The following SCFD2 variants were observed in gnomAD, a reference collection of about 807,000 sequenced individuals.
SCFD2 encodes sec1 family domain-containing protein 2.
A neutral mutation model predicts 58.9 loss-of-function variants in SCFD2; 54 were observed. The observed-to-expected ratio is 0.92, with a 90% confidence interval of 0.74 to 1.15. The LOEUF is 1.15. SCFD2 is among the 50% of genes most tolerant of loss of function. SCFD2 has a pLI of 0.00. For synonymous variants in SCFD2, 321 were observed against 335.9 expected, an observed-to-expected ratio of 0.96 and a Z score of 0.49; for missense variants, 805 against 836.6, an observed-to-expected ratio of 0.96 and a Z score of 0.47.
At chr4:53,170,549 GT>G (rs1727150323) in intron 4 of SCFD2, among the ~76,000 whole-genome samples, 1 of 152,100 alleles carries the variant, frequency 6.6e-6, no homozygotes, top group Non-Finnish European at 1.5e-5. Flanking sequence ...ATTTTAGAAT[GT>G]TTTTGCTATT....
At chr4:53,039,361 A>G (rs1269774130) in intron 5 of SCFD2, among the ~76,000 whole-genome samples, 1 of 152,160 alleles carries the variant, frequency 6.6e-6, no homozygotes, top group Non-Finnish European at 1.5e-5. Flanking sequence ...ATAAGCCTTA[A>G]AATACCAATT....
At chr4:52,999,756 T>C (rs188032573) in intron 5 of SCFD2, among the ~76,000 whole-genome samples, 1 of 152,348 alleles carries the variant, frequency 6.6e-6, no homozygotes, top group East Asian at 1.9e-4. Flanking sequence ...CACGACTTCT[T>C]TGAAATCACC....
At chr4:53,266,109 T>C (rs1358012227) in intron 4 of SCFD2, among the ~76,000 whole-genome samples, 1 of 152,122 alleles carries the variant, frequency 6.6e-6, no homozygotes, top group African/African-American at 2.4e-5. Context: ...GCAGAAAAAG[T>C]GGGCTTTAAA....
In SCFD2 at chr4:53,255,815, G is replaced by A. The variant is rs1476731888; in HGVS notation, c.1311+18011C>T. Among the ~76,000 whole-genome samples, 388 of 146,678 alleles carry A rather than the reference G, an allele frequency of 2.6e-3. 2 individuals are homozygous for A. The highest frequency in any genetic ancestry group is 9.0e-3 in the African/African-American group (359 of 39,958). ...CGGGCAGAGGCGCCCCTCACCTCCC[G>A]GACCGGGCAGCTGGCCGGGCGGGGG... On this transcript the variant is annotated intron_variant, in intron 4 of 8. Transcript: ENST00000401642.
chr4:53,353,468 C>T (rs1038110344), intron 1 of SCFD2, among the ~76,000 whole-genome samples: 5 of 152,242 alleles, frequency 3.3e-5, no homozygotes, highest in African/African-American at 1.2e-4. Context: ...CAGGTTGCCA[C>T]TGCTGTCTCG....
intron 5 of SCFD2, among the ~76,000 whole-genome samples, chr4:53,028,157 G>A (rs1056659072): frequency 2.0e-5 from 3 of 152,018 alleles, no homozygotes; most frequent in African/African-American, 7.3e-5. Context: ...TGAGGCATGA[G>A]AATCACTTGA....
intron 4 of SCFD2, among the ~76,000 whole-genome samples, chr4:53,253,045 A>G (rs1324587133): frequency 1.3e-5 from 2 of 152,222 alleles, no homozygotes; most frequent in Non-Finnish European, 2.9e-5. Context: ...TTTACAAGAA[A>G]AAAACAAACA....
intron 7 of SCFD2, among the ~76,000 whole-genome samples, chr4:52,900,847 C>T (rs1008915532): frequency 3.3e-5 from 5 of 152,208 alleles, no homozygotes; most frequent in African/African-American, 7.2e-5. Flanking sequence ...ATGGCGGGCA[C>T]CCCTCCCCCA....
At chr4:53,231,294 C>T (rs181397243) in intron 4 of SCFD2, among the ~76,000 whole-genome samples, 10 of 152,238 alleles carry the variant, frequency 6.6e-5, no homozygotes, top group Admixed American at 2.6e-4. Context: ...CTAGATAATG[C>T]AAGCCGCACA....
intron 5 of SCFD2, among the ~76,000 whole-genome samples, chr4:52,954,749 T>C (rs1283353920): frequency 1.3e-5 from 2 of 152,192 alleles, no homozygotes; most frequent in Non-Finnish European, 2.9e-5. Context: ...GATCTAATCA[T>C]GTCCTTTAGC....
intron 5 of SCFD2, among the ~76,000 whole-genome samples, chr4:53,084,955 C>A (rs991811392): frequency 6.6e-6 from 1 of 152,166 alleles, no homozygotes. Context: ...AAACTGAAAG[C>A]CTTTCCTCTA....
At chr4:52,894,713 T>G (rs902877672) in intron 7 of SCFD2, among the ~76,000 whole-genome samples, 1 of 152,224 alleles carries the variant, frequency 6.6e-6, no homozygotes, top group Non-Finnish European at 1.5e-5. Context: ...GACAGCTTTG[T>G]GTGGCTAACC....
chr4:53,086,918 G>T (rs1287816364), intron 5 of SCFD2, among the ~76,000 whole-genome samples: 1 of 152,096 alleles, frequency 6.6e-6, no homozygotes, highest in Non-Finnish European at 1.5e-5. Flanking sequence ...AGTGGAGATG[G>T]TTAATATGTA....
At chr4:53,352,294 T>C (rs1473288250) in intron 2 of SCFD2, among the ~76,000 whole-genome samples, 2 of 152,202 alleles carry the variant, frequency 1.3e-5, no homozygotes, top group African/African-American at 2.4e-5. Flanking sequence ...CTAGACTCAA[T>C]TCCATGTGAA....
Position 53,153,873 on chromosome 4 carries a change from A to G in SCFD2, c.1312-8291T>C, listed in dbSNP as rs1480820180. ...TTGCTGCTTAGAAATTTCTTCTGCC[A>G]GAAACTCTAAGTCATCTTGCATAAC... On this transcript the variant is annotated intron_variant, in intron 4 of 8. Coordinates refer to ENST00000401642, the MANE Select transcript of SCFD2 (RefSeq NM_152540.4). Among the ~76,000 whole-genome samples, 3 of 152,228 alleles carry G rather than the reference A, an allele frequency of 2.0e-5. No individual in the cohort carries two copies. The East Asian group carries it at 5.8e-4, about 29-fold the overall frequency.
At chr4:52,911,143 G>T (rs1719476953) in intron 6 of SCFD2, among the ~76,000 whole-genome samples, 1 of 152,190 alleles carries the variant, frequency 6.6e-6, no homozygotes, top group Non-Finnish European at 1.5e-5. Flanking sequence ...ACAGCACAAA[G>T]GTGGCTCTGT....
chr4:52,873,897 G>T lies in SCFD2; in HGVS notation c.*72C>A. The T allele has an allele frequency of 9.5e-7, 1 of 1,057,294 alleles. No individual in the cohort carries two copies. Among genetic ancestry groups the T allele is most frequent in the Non-Finnish European group, 1.5e-6 (1 of 676,690 alleles). 65.5% of individuals were successfully genotyped at this position (1,057,294 alleles called of 1,614,324 possible). ...TGACAGGGACGCTGGTTGTGGAGGA[G>T]TATTTGGAGTGGTGGCAGAAAATTG... On this transcript the variant is annotated 3_prime_UTR_variant, in exon 9 of 9. Coordinates refer to ENST00000401642, the MANE Select transcript of SCFD2 (RefSeq NM_152540.4).
At chr4:53,035,055 C>T (rs549516474) in intron 5 of SCFD2, among the ~76,000 whole-genome samples, 2 of 152,274 alleles carry the variant, frequency 1.3e-5, no homozygotes, top group East Asian at 1.9e-4. Flanking sequence ...GGAGGCATCA[C>T]GCTACCTGAC....
intron 5 of SCFD2, among the ~76,000 whole-genome samples, chr4:53,092,107 T>G (rs1724487634): frequency 6.6e-6 from 1 of 152,128 alleles, no homozygotes; most frequent in African/African-American, 2.4e-5. Flanking sequence ...ATTGTGCAAA[T>G]TACAGTGCAT....
Sources: allele counts gnomAD v4.1 joint callset (sites outside exome capture counted in the v4.1 genomes callset), GRCh38; gene constraint gnomAD v4.1.1; transcripts MANE v1.5; gene names NCBI Gene and HGNC (gene_info 2026-07-23, HGNC 2026-07-21).